SLC35D4: variants seen among roughly 807,000 people sequenced by gnomAD.
SLC35D4 encodes the protein solute carrier family 35 member D4.
At chr18:23,429,257 T>C in the SLC35D4 span, among the ~76,000 whole-genome samples, 1 of 152,348 alleles carries the variant, frequency 6.6e-6, no homozygotes, top group Non-Finnish European at 1.5e-5. Flanking sequence ...TTCATTCTTT[T>C]AGAAGTCTCC....
the SLC35D4 span, among the ~76,000 whole-genome samples, chr18:23,298,519 C>T: frequency 2.6e-5 from 4 of 152,098 alleles, no homozygotes; most frequent in African/African-American, 9.7e-5. Flanking sequence ...AACTACAGAA[C>T]ATTTAAAGGT....
the SLC35D4 span, among the ~76,000 whole-genome samples, chr18:23,304,276 C>CA: frequency 0.049 from 3,757 of 77,248 alleles, 281 homozygotes; most frequent in East Asian, 0.43. Flanking sequence ...GACTCCGTAT[C>CA]AAAAAAAAAA....
At chr18:23,429,792 A>T in the SLC35D4 span, among the ~76,000 whole-genome samples, 68 of 152,242 alleles carry the variant, frequency 4.5e-4, no homozygotes, top group Admixed American at 1.2e-3. Flanking sequence ...TATGTTGGCC[A>T]CTTGCATGTC....
the SLC35D4 span, among the ~76,000 whole-genome samples, chr18:23,267,431 G>A: frequency 6.6e-6 from 1 of 152,090 alleles, no homozygotes. Context: ...GCCAGCCCTG[G>A]TGGCTCTCTA....
chr18:23,404,400 C>T, the SLC35D4 span, among the ~76,000 whole-genome samples: 11 of 152,004 alleles, frequency 7.2e-5, no homozygotes, highest in Admixed American at 1.3e-4. Context: ...CCAGGCAAGG[C>T]GCGGTGGCTC....
chr18:23,308,669 C>T, the SLC35D4 span, among the ~76,000 whole-genome samples: 1 of 152,130 alleles, frequency 6.6e-6, no homozygotes, highest in Non-Finnish European at 1.5e-5. Context: ...CACCGTTGTC[C>T]CCCAGCATCC....
chr18:23,420,042 G>A, the SLC35D4 span, among the ~76,000 whole-genome samples: 1 of 152,150 alleles, frequency 6.6e-6, no homozygotes, highest in Non-Finnish European at 1.5e-5. Flanking sequence ...AGTGGTTCAT[G>A]CCTGTAATCC....
the SLC35D4 span, among the ~76,000 whole-genome samples, chr18:23,392,150 C>A: frequency 1.3e-5 from 2 of 152,080 alleles, no homozygotes; most frequent in African/African-American, 4.8e-5. Context: ...GTTGGCCAGG[C>A]TGGTCTCGAA....
At chr18:23,437,808 G>A in the SLC35D4 span, 2 of 1,612,248 alleles carry the variant, frequency 1.2e-6, no homozygotes, top group Non-Finnish European at 1.7e-6. Context: ...AAGCCAGGTA[G>A]CAGGTACAAA....
the SLC35D4 span, among the ~76,000 whole-genome samples, chr18:23,432,562 C>A: frequency 6.6e-6 from 1 of 151,666 alleles, no homozygotes; most frequent in Non-Finnish European, 1.5e-5. Flanking sequence ...GCGCCTGTAA[C>A]CCCAGCTACT....
At chr18:23,254,600 C>T in the SLC35D4 span, among the ~76,000 whole-genome samples, 4 of 152,148 alleles carry the variant, frequency 2.6e-5, no homozygotes, top group African/African-American at 9.7e-5. Context: ...GCTGAAATGA[C>T]AAATGTATTT....
the SLC35D4 span, among the ~76,000 whole-genome samples, chr18:23,264,666 T>C: frequency 6.6e-6 from 1 of 151,898 alleles, no homozygotes; most frequent in Non-Finnish European, 1.5e-5. Context: ...CAGCCGTCAT[T>C]TTTTTATTTT....
At chr18:23,308,071 G>C in the SLC35D4 span, among the ~76,000 whole-genome samples, 2 of 152,232 alleles carry the variant, frequency 1.3e-5, no homozygotes, top group Non-Finnish European at 2.9e-5. Flanking sequence ...ACAACAGTCA[G>C]AACTGTCAGG....
At chr18:23,421,698 A>T in the SLC35D4 span, among the ~76,000 whole-genome samples, 1 of 125,590 alleles carries the variant, frequency 8.0e-6, no homozygotes, top group Non-Finnish European at 1.6e-5. Flanking sequence ...TTTTTTTGAG[A>T]CGGAGTTTCG....
the SLC35D4 span, among the ~76,000 whole-genome samples, chr18:23,270,467 C>T: frequency 4.6e-5 from 7 of 152,230 alleles, no homozygotes; most frequent in African/African-American, 1.7e-4. Context: ...AGAGTCCCCA[C>T]TGGGGCACCG....
the SLC35D4 span, among the ~76,000 whole-genome samples, chr18:23,337,752 A>G: frequency 6.6e-6 from 1 of 152,374 alleles, no homozygotes; most frequent in South Asian, 2.1e-4. Context: ...CAATAGATCA[A>G]GACACATGTC....
the SLC35D4 span, among the ~76,000 whole-genome samples, chr18:23,333,534 G>T: frequency 6.6e-6 from 1 of 152,182 alleles, no homozygotes; most frequent in Non-Finnish European, 1.5e-5. Flanking sequence ...AAAGTGCTCT[G>T]AATGGCACAG....
the SLC35D4 span, among the ~76,000 whole-genome samples, chr18:23,358,541 T>C: frequency 2.6e-5 from 4 of 152,248 alleles, no homozygotes; most frequent in Admixed American, 6.5e-5. Context: ...TAAGAATAGC[T>C]AGCCCTTACC....
the SLC35D4 span, among the ~76,000 whole-genome samples, chr18:23,308,663 G>A: frequency 3.9e-5 from 6 of 152,020 alleles, no homozygotes; most frequent in East Asian, 1.9e-4. Context: ...CCTTGGCACC[G>A]TTGTCCCCCA....
Sources: gnomAD v4.1 joint callset for allele counts (sites outside exome capture counted in the v4.1 genomes callset) on GRCh38, gnomAD v4.1.1 for gene constraint, MANE v1.5 for transcripts, NCBI Gene and HGNC (gene_info 2026-07-23, HGNC 2026-07-21) for gene names.